The following PRCP variants were observed in gnomAD, a reference collection of about 807,000 sequenced individuals.
PRCP encodes prolylcarboxypeptidase, also known as lysosomal Pro-X carboxypeptidase.
Under a neutral mutation model 54.2 loss-of-function variants are expected in PRCP, and 46 were observed. The observed-to-expected ratio is 0.85, with a 90% confidence interval of 0.67 to 1.09. PRCP has a LOEUF of 1.09. Among genes scored for constraint, PRCP ranks in the 50% least tolerant of loss-of-function variants. The pLI is 0.00. For synonymous variants in PRCP, 240 were observed against 212.2 expected (o/e 1.13, Z -1.14); for missense variants, 613 against 596.8 (o/e 1.03, Z -0.28).
chr11:82,825,672 G>A (rs776360768), intron 8 of PRCP: 1 of 156,990 alleles, frequency 6.4e-6, no homozygotes, highest in African/African-American at 2.4e-5. Flanking sequence ...AAAGGAGAAG[G>A]CTGCATTTTT....
At chr11:82,900,477 C>A, upstream of PRCP, 1 of 1,512,652 alleles carries the variant, frequency 6.6e-7, no homozygotes, top group Non-Finnish European at 8.9e-7. Flanking sequence ...CTAAGCCCTG[C>A]CCAGCCTGCA....
chr11:82,864,644 G>A lies in PRCP; in HGVS notation c.169-4527C>T, dbSNP rs951556469. On this transcript the variant is annotated intron_variant, in intron 1 of 8. Transcript: ENST00000313010. ...ATAATAGCATGGTAAAGACAACACCGTATGACCTTGGAAAGGAAACAAACC... is the reference window on the plus strand; with the variant it reads ...ATAATAGCATGGTAAAGACAACACCATATGACCTTGGAAAGGAAACAAACC... Among the ~76,000 whole-genome samples, 5 of 152,170 alleles carry A rather than the reference G, an allele frequency of 3.3e-5. No homozygotes were observed. The East Asian group carries it at 5.8e-4, about 18-fold the overall frequency.
At chr11:82,848,847 G>A (rs1018224371) in intron 6 of PRCP, among the ~76,000 whole-genome samples, 3 of 152,032 alleles carry the variant, frequency 2.0e-5, no homozygotes, top group African/African-American at 7.2e-5. Flanking sequence ...TTTCAAATGA[G>A]GAAACTGAGG....
At chr11:82,852,289 A>G (rs1403596168) in intron 3 of PRCP, among the ~76,000 whole-genome samples, 1 of 152,200 alleles carries the variant, frequency 6.6e-6, no homozygotes, top group Non-Finnish European at 1.5e-5. Context: ...GTATTTATTT[A>G]TAATATGAGA....
intron 1 of PRCP, among the ~76,000 whole-genome samples, chr11:82,878,739 G>A (rs1398995430): frequency 6.6e-6 from 1 of 152,158 alleles, no homozygotes; most frequent in African/African-American, 2.4e-5. Flanking sequence ...CAGGCCTGGT[G>A]GTGACAAAAT....
chr11:82,881,681 G>A (rs905906757), intron 1 of PRCP, among the ~76,000 whole-genome samples: 2 of 152,116 alleles, frequency 1.3e-5, no homozygotes, highest in African/African-American at 4.8e-5. Context: ...GCAAAGAAGG[G>A]GCAGAAACGA....
chr11:82,825,341 T>C (rs1591030711), intron 8 of PRCP: 3 of 530,620 alleles, frequency 5.7e-6, no homozygotes, highest in East Asian at 3.5e-5. Flanking sequence ...CCAGAGATAA[T>C]TGAAGGAGGC....
chr11:82,844,437 AAAAG>A (rs1258789813), intron 6 of PRCP, among the ~76,000 whole-genome samples: 2 of 151,830 alleles, frequency 1.3e-5, no homozygotes, highest in African/African-American at 4.8e-5. Context: ...AAAAATAAAT[AAAAG>A]AAAGAAAGAA....
intron 2 of PRCP, 24 bp downstream of exon 2, chr11:82,859,953 G>T: frequency 6.5e-7 from 1 of 1,530,164 alleles, no homozygotes; most frequent in Non-Finnish European, 8.8e-7. Context: ...ATTGAGCACT[G>T]GAATTTCATG....
chr11:82,838,693 C>A, intron 7 of PRCP, 119 bp from the exon 8 acceptor site: 1 of 902,856 alleles, frequency 1.1e-6, no homozygotes. Flanking sequence ...TCAGGCAAGG[C>A]AGCTTCAACG....
intron 1 of PRCP, among the ~76,000 whole-genome samples, chr11:82,898,929 G>A (rs1263041248): frequency 6.6e-6 from 1 of 152,136 alleles, no homozygotes; most frequent in Non-Finnish European, 1.5e-5. Context: ...GGCATCGCTT[G>A]AGCCCAGGAG....
rs765608947 is a variant in PRCP at position 82,839,344 on chromosome 11, AAT to A, written c.1001_1002del (p.Tyr334LeufsTer18). 1 of 1,613,994 alleles carries A rather than the reference AAT, an allele frequency of 6.2e-7. No homozygotes were observed. Among genetic ancestry groups the A allele is most frequent in the South Asian group, 1.1e-5 (1 of 91,058 alleles). ...CATTTCACCTGGCCCGAATAATTGT[AAT>A]ATACATTCAGAGCTTGGAAAATATT... ...LQNIFQALNVYYNYSGQVKCL... is the reference protein window; with the variant it reads ...LQNIFQALNVXYNYSGQVKCL... On this transcript the variant is annotated frameshift_variant, in exon 7 of 9. Transcript: ENST00000313010. LOFTEE classifies it high-confidence loss of function.
intron 2 of PRCP, among the ~76,000 whole-genome samples, chr11:82,858,076 A>G (rs960653265): frequency 1.3e-5 from 2 of 152,226 alleles, no homozygotes; most frequent in African/African-American, 4.8e-5. Flanking sequence ...AGGCAATTTC[A>G]TTGAACTAGT....
chr11:82,835,726 G>A, intron 8 of PRCP: 1 of 333,620 alleles, frequency 3.0e-6, no homozygotes, highest in Non-Finnish European at 5.8e-6. Context: ...TCTTTAATCA[G>A]AAGAAAAAGG....
chr11:82,843,120 G>A (rs575600024), intron 6 of PRCP: 1 of 152,264 alleles, frequency 6.6e-6, no homozygotes, highest in Admixed American at 6.5e-5. Context: ...GACCAGCCTG[G>A]GCAATATATC....
chr11:82,863,099 A>G (rs546910185), intron 1 of PRCP, among the ~76,000 whole-genome samples: 1 of 152,346 alleles, frequency 6.6e-6, no homozygotes, highest in East Asian at 1.9e-4. Flanking sequence ...CTTGCTGAAA[A>G]TGCAATCCCC....
In PRCP at chr11:82,886,515, C is replaced by T. The variant is rs542021127; in HGVS notation, c.168+13720G>A. 2.6e-5 allele frequency among the ~76,000 whole-genome samples: 4 copies of T among 152,294 alleles called. No individual in the cohort carries two copies. In the East Asian group the frequency reaches 5.8e-4, roughly 22 times the overall value. ...CTCATGCTAGTCTCAAACTCCTGGTCTCAAGTGATCCTCCTACCTCAGCCT... is the reference window on the plus strand; with the variant it reads ...CTCATGCTAGTCTCAAACTCCTGGTTTCAAGTGATCCTCCTACCTCAGCCT... On this transcript the variant is annotated intron_variant, in intron 1 of 8. Coordinates refer to ENST00000313010, the MANE Select transcript of PRCP (RefSeq NM_005040.4).
chr11:82,889,881 A>C (rs911698487), intron 1 of PRCP, among the ~76,000 whole-genome samples: 2 of 152,214 alleles, frequency 1.3e-5, no homozygotes, highest in Middle Eastern at 3.2e-3. Context: ...GAGGTGATTT[A>C]TGTGACAACC....
chr11:82,834,721 G>A (rs1181295987), intron 8 of PRCP, among the ~76,000 whole-genome samples: 1 of 152,212 alleles, frequency 6.6e-6, no homozygotes. Flanking sequence ...GATACAGGGA[G>A]GGGAACAACA....
Sources: gnomAD v4.1 joint callset for allele counts (sites outside exome capture counted in the v4.1 genomes callset) on GRCh38, gnomAD v4.1.1 for gene constraint, MANE v1.5 for transcripts, NCBI Gene and HGNC (gene_info 2026-07-23, HGNC 2026-07-21) for gene names.